The following NSUN6 variants were observed in gnomAD, a reference collection of about 807,000 sequenced individuals.
The protein encoded by NSUN6 is tRNA (cytosine(72)-C(5))-methyltransferase NSUN6.
Under a neutral mutation model 58.0 loss-of-function variants are expected in NSUN6, and 64 were observed. The ratio of observed to expected loss-of-function variants is 1.10; its 90% confidence interval spans 0.90 to 1.36. NSUN6 has a LOEUF of 1.36. Among genes scored for constraint, NSUN6 ranks in the 40% most tolerant of loss-of-function variants. The pLI, the probability that NSUN6 is intolerant of heterozygous loss-of-function variation, is 0.00. For missense variants in NSUN6, 701 were observed against 550.1 expected (o/e 1.27, Z -2.74); for synonymous variants, 231 against 193.9 (o/e 1.19, Z -1.59).
rs2055991306 is a variant in NSUN6, at chr10:18,566,803, T to C, written c.923-14832A>G. Among the ~76,000 whole-genome samples, 3 of 150,850 alleles carry C rather than the reference T, an allele frequency of 2.0e-5. No homozygotes were observed. In the South Asian group the frequency reaches 6.3e-4, roughly 32 times the overall value. On this transcript the variant is annotated intron_variant, in intron 8 of 10. Coordinates refer to ENST00000377304, the MANE Select transcript of NSUN6 (RefSeq NM_182543.5). ...TTCCATTACCCATTCCCTTCAATTCTCCATTCCATACCATTTTTCATTCCA... is the reference window on the plus strand; with the variant it reads ...TTCCATTACCCATTCCCTTCAATTCCCCATTCCATACCATTTTTCATTCCA...
intron 3 of NSUN6, among the ~76,000 whole-genome samples, chr10:18,626,106 C>G (rs1036237634): frequency 2.0e-5 from 3 of 151,938 alleles, no homozygotes; most frequent in Non-Finnish European, 2.9e-5. Context: ...AGTGACTGTA[C>G]TCACCAATAA....
chr10:18,625,720 TAAAAAAAAAAA>T (rs71402188), intron 3 of NSUN6, among the ~76,000 whole-genome samples: 3 of 53,814 alleles, frequency 5.6e-5, no homozygotes, highest in South Asian at 9.0e-4. Context: ...GTTTTTTTTT[TAAAAAAAAAAA>T]AAAAAAAAAA....
intron 5 of NSUN6, among the ~76,000 whole-genome samples, chr10:18,612,174 C>T (rs1400500907): frequency 6.6e-6 from 1 of 152,142 alleles, no homozygotes; most frequent in Non-Finnish European, 1.5e-5. Context: ...AATCTTAGCA[C>T]TTTGGGAGGC....
rs558958040 is a variant in NSUN6 at position 18,557,306 on chromosome 10, G to A, written c.923-5335C>T. Among the ~76,000 whole-genome samples, 25 of 151,638 alleles carry A rather than the reference G, an allele frequency of 1.6e-4. No homozygotes were observed. The South Asian group carries it at 1.9e-3, about 11-fold the overall frequency. The stretch of plus-strand genomic sequence containing the variant: ...ATGCAGTGGAGAGTGGAAGAGAATC[G>A]AATGGCGAAGCGGATGGAATGCAGT... On this transcript the variant is annotated intron_variant, in intron 8 of 10. Coordinates refer to ENST00000377304, the MANE Select transcript of NSUN6 (RefSeq NM_182543.5).
At chr10:18,606,023 A>G (rs896479901) in intron 6 of NSUN6, among the ~76,000 whole-genome samples, 4 of 152,196 alleles carry the variant, frequency 2.6e-5, no homozygotes, top group African/African-American at 9.7e-5. Flanking sequence ...ATGGGGGAAA[A>G]AAAGAAATTA....
At chr10:18,653,360 T>C, upstream of NSUN6, 1 of 978,892 alleles carries the variant, frequency 1.0e-6, no homozygotes, top group Non-Finnish European at 1.2e-6. Context: ...ACGGACAGAA[T>C]TGAGGACATT....
chr10:18,627,611 G>T (rs1347997227), intron 3 of NSUN6, among the ~76,000 whole-genome samples: 1 of 152,228 alleles, frequency 6.6e-6, no homozygotes, highest in African/African-American at 2.4e-5. Flanking sequence ...AGCACAAGGG[G>T]TCAGGGAGTT....
chr10:18,638,252 G>C (rs561585939), intron 3 of NSUN6, among the ~76,000 whole-genome samples: 1 of 152,244 alleles, frequency 6.6e-6, no homozygotes, highest in East Asian at 1.9e-4. Context: ...AGACCAGACT[G>C]CCCAACATGG....
At chr10:18,651,877 G>A (rs2059716513), upstream of NSUN6, 1 of 985,434 alleles carries the variant, frequency 1.0e-6, no homozygotes, top group Non-Finnish European at 1.2e-6. Flanking sequence ...CAGCCAAATG[G>A]CGTGGGTTGA....
chr10:18,631,015 G>A (rs2059011347), intron 3 of NSUN6, among the ~76,000 whole-genome samples: 1 of 151,790 alleles, frequency 6.6e-6, no homozygotes, highest in Non-Finnish European at 1.5e-5. Flanking sequence ...TAAAATACTG[G>A]CAAACCGAAT....
chr10:18,639,893 A>C (rs2080266986), intron 3 of NSUN6, among the ~76,000 whole-genome samples: 1 of 152,248 alleles, frequency 6.6e-6, no homozygotes, highest in African/African-American at 2.4e-5. Flanking sequence ...TCCAACTAAA[A>C]TAAGCACAGA....
At chr10:18,600,941 AAT>A (rs1170475510) in intron 6 of NSUN6, among the ~76,000 whole-genome samples, 19 of 43,532 alleles carry the variant, frequency 4.4e-4, no homozygotes, top group Middle Eastern at 0.014. Flanking sequence ...AAAAAAAAAA[AAT>A]ATATATATAT....
At chr10:18,564,162 T>G (rs1366779165) in intron 8 of NSUN6, among the ~76,000 whole-genome samples, 2 of 151,524 alleles carry the variant, frequency 1.3e-5, no homozygotes, top group Non-Finnish European at 2.9e-5. Context: ...TTACAGTCCA[T>G]TCCATTTTCC....
intron 6 of NSUN6, among the ~76,000 whole-genome samples, chr10:18,608,939 A>G (rs974244206): frequency 6.6e-6 from 1 of 150,598 alleles, no homozygotes; most frequent in Non-Finnish European, 1.5e-5. Context: ...GTGCAAATAG[A>G]TAATAATAAA....
chr10:18,629,238 A>T (rs937786761), intron 3 of NSUN6, among the ~76,000 whole-genome samples: 1 of 152,206 alleles, frequency 6.6e-6, no homozygotes, highest in African/African-American at 2.4e-5. Flanking sequence ...CTGCCCTAAA[A>T]GAGCTCCTGA....
chr10:18,648,569 G>A lies in NSUN6; in HGVS notation c.152C>T (p.Ser51Leu), dbSNP rs1182110648. 6.2e-7 allele frequency: 1 copy of A among 1,604,472 alleles called. No homozygotes were observed. The highest frequency in any genetic ancestry group is 1.7e-5 in the Admixed American group (1 of 60,020). ...TLLKHLSHPPSFTTVRVNTHL... is the reference protein window; with the variant it reads ...TLLKHLSHPPLFTTVRVNTHL... Reference sequence around the variant, plus strand: ...TGTATTCACTCTGACAGTTGTAAATGATGGAGGATGTGACAGGTGCTTTAA... The same window carrying A: ...TGTATTCACTCTGACAGTTGTAAATAATGGAGGATGTGACAGGTGCTTTAA... Residue 51 changes from serine to leucine, a missense_variant, in exon 2 of 11, where the codon TCA (serine) becomes TTA (leucine). Transcript: ENST00000377304.
At chr10:18,633,916 C>G (rs1014358784) in intron 3 of NSUN6, among the ~76,000 whole-genome samples, 9 of 152,212 alleles carry the variant, frequency 5.9e-5, no homozygotes, top group African/African-American at 9.7e-5. Context: ...TTCACAGAGA[C>G]CCTCGGCTCT....
intron 8 of NSUN6, among the ~76,000 whole-genome samples, chr10:18,553,330 G>A (rs2054736575): frequency 6.6e-6 from 1 of 151,814 alleles, no homozygotes; most frequent in Non-Finnish European, 1.5e-5. Flanking sequence ...GGAATGGTAT[G>A]GAATGAAATG....
In NSUN6 at chr10:18,545,986, T is replaced by C; in HGVS notation, c.1357A>G (p.Lys453Glu). Reference sequence around the variant, plus strand: ...GCAATAAAAAAACCTATAGAGTCCTTATTAGCCAGACGCAACATGTCTTCT... The same window carrying C: ...GCAATAAAAAAACCTATAGAGTCCTCATTAGCCAGACGCAACATGTCTTCT... The part of the protein sequence containing the change: ...RREDMLRLAN[K>E]DSIGFFIAKF... The change falls in exon 11 of 11, where the codon AAG becomes GAG. Residue 453 changes from lysine (K) to glutamate (E), a missense_variant. By Grantham distance (56) the Lys-to-Glu change is moderately conservative. Coordinates refer to ENST00000377304, the MANE Select transcript of NSUN6 (RefSeq NM_182543.5). The C allele has an allele frequency of 6.3e-7, 1 of 1,584,164 alleles. No individual in the cohort carries two copies. Among genetic ancestry groups the C allele is most frequent in the Non-Finnish European group, 8.5e-7 (1 of 1,172,182 alleles).
Sources: allele counts gnomAD v4.1 joint callset (sites outside exome capture counted in the v4.1 genomes callset), GRCh38; gene constraint gnomAD v4.1.1; transcripts MANE v1.5; gene names NCBI Gene and HGNC (gene_info 2026-07-23, HGNC 2026-07-21).